EXD1: variants seen among roughly 807,000 people sequenced by gnomAD.
EXD1 encodes the protein exonuclease 3'-5' domain containing 1, also known as piRNA biogenesis protein EXD1.
In EXD1, 63 loss-of-function variants were observed where a neutral mutation model predicts 49.1. That is an observed-to-expected ratio of 1.28 (90% CI 1.05 to 1.58). The LOEUF (loss-of-function observed/expected upper bound fraction) is 1.58. Among genes scored for constraint, EXD1 ranks in the 40% most tolerant of loss-of-function variants. The pLI is 0.00. For missense variants in EXD1, 748 were observed against 666.0 expected, an observed-to-expected ratio of 1.12 and a Z score of -1.36; for synonymous variants, 234 against 239.2, an observed-to-expected ratio of 0.98 and a Z score of 0.20.
At chr15:41,226,865 T>C (rs2047171484) in intron 1 of EXD1, among the ~76,000 whole-genome samples, 1 of 152,222 alleles carries the variant, frequency 6.6e-6, no homozygotes, top group Non-Finnish European at 1.5e-5. Context: ...AAAATGGGCA[T>C]GATATCATCT....
rs1310139839 is a variant in EXD1, at chr15:41,183,817, CCT to C, written c.*112_*113del. On this transcript the variant is annotated 3_prime_UTR_variant, in exon 12 of 12. Transcript: ENST00000458580. ...AGTAAGCAAGAGGATATAATTTTCC[CCT>C]GTGACTGAAGCATTACTACATTTAC... 4.7e-5 allele frequency: 47 copies of C among 1,004,184 alleles called. No homozygotes were observed. Among genetic ancestry groups the C allele is most frequent in the Middle Eastern group, 3.1e-4 (1 of 3,176 alleles). The allele number at this position is 1,004,184 out of a possible 1,614,324, so 62.2% of individuals were successfully genotyped here.
intron 7 of EXD1, among the ~76,000 whole-genome samples, chr15:41,199,818 T>C (rs1442043901): frequency 1.8e-4 from 1 of 5,588 alleles, no homozygotes; most frequent in African/African-American, 2.0e-4. Context: ...ATGTCATATA[T>C]AGATATATGT....
intron 7 of EXD1, among the ~76,000 whole-genome samples, chr15:41,196,997 G>A (rs2046624700): frequency 1.3e-5 from 2 of 151,278 alleles, no homozygotes; most frequent in African/African-American, 4.9e-5. Flanking sequence ...GCTAATTTTT[G>A]TATTTTTTGT....
chr15:41,197,229 CTTTT>C (rs976999245), intron 7 of EXD1, among the ~76,000 whole-genome samples: 2 of 133,170 alleles, frequency 1.5e-5, no homozygotes, highest in African/African-American at 2.7e-5. Context: ...TTTCTTTTTT[CTTTT>C]TTTTTTTTTT....
In EXD1 at chr15:41,226,611, T is replaced by G. The variant is rs564009733; in HGVS notation, c.-36A>C. ...TCCAAAAGCCGTCTTCAAATAATCT[T>G]CTTTAAGCATCCAAACACTTGAAAA... is the stretch of plus-strand genomic sequence containing the variant. On this transcript the variant is annotated 5_prime_UTR_variant, in exon 2 of 12. Transcript: ENST00000458580. The G allele has an allele frequency of 1.3e-6, 2 of 1,518,562 alleles. No homozygotes were observed. Among genetic ancestry groups the G allele is most frequent in the Non-Finnish European group, 1.8e-6 (2 of 1,138,116 alleles). The allele number at this position is 1,518,562 out of a possible 1,614,324, so 94.1% of individuals were successfully genotyped here. A position where few individuals can be genotyped will look rare whatever the true frequency, so the allele number is the denominator to read the frequency against.
intron 6 of EXD1, among the ~76,000 whole-genome samples, chr15:41,215,424 T>G (rs930682030): frequency 1.3e-5 from 2 of 152,020 alleles, no homozygotes; most frequent in Non-Finnish European, 2.9e-5. Context: ...TGGTGGCTCA[T>G]GCCTGTAATC....
chr15:41,191,006 C>G (rs2046505708), intron 10 of EXD1, among the ~76,000 whole-genome samples: 1 of 152,036 alleles, frequency 6.6e-6, no homozygotes, highest in South Asian at 2.1e-4. Flanking sequence ...GTCCACCGCC[C>G]CTGCCCCCAA....
At chr15:41,198,521 T>C (rs2046652020) in intron 7 of EXD1, among the ~76,000 whole-genome samples, 1 of 151,652 alleles carries the variant, frequency 6.6e-6, no homozygotes, top group Non-Finnish European at 1.5e-5. Flanking sequence ...GGACACCCCA[T>C]CTGTACAAAA....
At chr15:41,215,942 A>G (rs1343778525) in intron 5 of EXD1, 109 bp from the exon 6 acceptor site, 2 of 1,138,692 alleles carry the variant, frequency 1.8e-6, no homozygotes, top group African/African-American at 3.1e-5. Flanking sequence ...CAACTCAAAT[A>G]CCCTAAAATT....
intron 1 of EXD1, among the ~76,000 whole-genome samples, chr15:41,227,496 CCT>C (rs1566997666): frequency 6.6e-6 from 1 of 151,640 alleles, no homozygotes; most frequent in Admixed American, 6.6e-5. Context: ...ATGGAGAAAC[CCT>C]GTCTTTACTA....
intron 2 of EXD1, among the ~76,000 whole-genome samples, chr15:41,222,918 G>C (rs1301374166): frequency 1.6e-5 from 2 of 125,000 alleles, no homozygotes; most frequent in Non-Finnish European, 3.2e-5. Context: ...CGTGAGGACA[G>C]ACTGAGACTC....
At chr15:41,209,026 C>T (rs949009949) in intron 7 of EXD1, among the ~76,000 whole-genome samples, 1 of 151,666 alleles carries the variant, frequency 6.6e-6, no homozygotes, top group African/African-American at 2.4e-5. Context: ...GAGACAGAAG[C>T]TCTCTCCTTT....
Position 41,184,299 on chromosome 15 carries a change from G to A in EXD1, c.1351C>T (p.Gln451Ter), listed in dbSNP as rs780337197. 3.1e-6 allele frequency: 5 copies of A among 1,614,180 alleles called. No homozygotes were observed. Among genetic ancestry groups the A allele is most frequent in the Non-Finnish European group, 4.2e-6 (5 of 1,180,036 alleles). Residue 451 changes from glutamine (Q) to a stop codon, truncating the protein, a stop_gained, in exon 12 of 12, where the codon CAA becomes TAA. Transcript: ENST00000458580. LOFTEE classifies it low-confidence loss of function (END_TRUNC). ...ESLNKQATNP[Q>*]HLPPTEEGET... ...CCTTCCTCTGTGGGAGGTAGATGTT[G>A]AGGATTTGTAGCTTGTTTATTCAAA...
Position 41,195,936 on chromosome 15 carries a change from C to T in EXD1, c.636G>A (p.Leu212=), listed in dbSNP as rs754307154. 4 of 1,609,770 alleles carry T rather than the reference C, an allele frequency of 2.5e-6. No individual in the cohort carries two copies. The highest frequency in any genetic ancestry group is 1.1e-5 in the South Asian group (1 of 90,604). ...AGGAATCAGTTTATATACTTACCTT[C>T]AAAATTCTCTTGTCTTCTAGTATCA... ...LQMILEDKRI[L]KVIHDCRWLS... Residue 212 remains leucine (L), a synonymous_variant, in exon 8 of 12, where the codon TTG becomes TTA. Transcript: ENST00000458580.
At chr15:41,214,865 C>A (rs947039303) in intron 6 of EXD1, among the ~76,000 whole-genome samples, 5 of 152,102 alleles carry the variant, frequency 3.3e-5, no homozygotes, top group Admixed American at 2.0e-4. Context: ...CCTGACCCAG[C>A]CTGGTGAGTA....
chr15:41,184,951 C>T (rs1056668575), intron 11 of EXD1, among the ~76,000 whole-genome samples: 1 of 152,114 alleles, frequency 6.6e-6, no homozygotes, highest in East Asian at 1.9e-4. Flanking sequence ...CCATAGTGCC[C>T]GGCCTGAAAT....
At chr15:41,229,858 G>C (rs1184836604) in intron 1 of EXD1, among the ~76,000 whole-genome samples, 1 of 152,164 alleles carries the variant, frequency 6.6e-6, no homozygotes, top group African/African-American at 2.4e-5. Flanking sequence ...CTCAGGCTAA[G>C]CTGTAAAGCC....
At position 41,217,195 on chromosome 15, in the gene EXD1, A is replaced by C. The variant is rs758492130; in HGVS notation, c.203-41T>G. 5.1e-6 allele frequency: 8 copies of C among 1,557,894 alleles called. No individual in the cohort carries two copies. The Admixed American group carries it at 1.4e-4, about 26-fold the overall frequency. On this transcript the variant is annotated intron_variant, in intron 3 of 11. Coordinates refer to ENST00000458580, the MANE Select transcript of EXD1 (RefSeq NM_001286441.2). ...ATGGCTTCCAACAGAGTTTCCAATC[A>C]GAAATCAATTAACTACTCCACTACC...
intron 11 of EXD1, among the ~76,000 whole-genome samples, chr15:41,189,392 G>C (rs889767861): frequency 1.3e-5 from 2 of 149,162 alleles, no homozygotes; most frequent in Non-Finnish European, 3.0e-5. Flanking sequence ...GGCTGGGCGT[G>C]GTGGTTCATG....
Sources: allele counts gnomAD v4.1 joint callset (sites outside exome capture counted in the v4.1 genomes callset), GRCh38; gene constraint gnomAD v4.1.1; transcripts MANE v1.5; gene names NCBI Gene and HGNC (gene_info 2026-07-23, HGNC 2026-07-21).